COL24A1: variants seen among roughly 807,000 people sequenced by gnomAD.
COL24A1 encodes collagen type XXIV alpha 1 chain, also known as collagen alpha-1(XXIV) chain.
COL24A1 carries 224 observed loss-of-function variants against 253.9 expected under a neutral mutation model. The ratio of observed to expected loss-of-function variants is 0.88; its 90% CI spans 0.79 to 0.99. The LOEUF (loss-of-function observed/expected upper bound fraction) is 0.99, where lower values mean the gene tolerates loss of function less well. Among genes scored for constraint, COL24A1 ranks in the 50% least tolerant of loss-of-function variants. The pLI, the probability that COL24A1 is intolerant of heterozygous loss-of-function variation, is 0.00. For missense variants in COL24A1, 2,131 were observed against 2,068.5 expected, an observed-to-expected ratio of 1.03 and a Z score of -0.59; for synonymous variants, 685 against 673.7, an observed-to-expected ratio of 1.02 and a Z score of -0.26.
intron 18 of COL24A1, among the ~76,000 whole-genome samples, chr1:86,019,337 C>G (rs2101282079): frequency 6.6e-6 from 1 of 152,108 alleles, no homozygotes; most frequent in South Asian, 2.1e-4. Flanking sequence ...AAGAGGATTG[C>G]TTGAGGCCAG....
At chr1:85,898,802 A>T (rs1684011332) in intron 28 of COL24A1, among the ~76,000 whole-genome samples, 1 of 152,234 alleles carries the variant, frequency 6.6e-6, no homozygotes, top group Non-Finnish European at 1.5e-5. Context: ...AGTATAATGA[A>T]GAAAAACAAA....
At chr1:85,886,879 T>C (rs1571084095) in intron 32 of COL24A1, among the ~76,000 whole-genome samples, 1 of 152,210 alleles carries the variant, frequency 6.6e-6, no homozygotes, top group Non-Finnish European at 1.5e-5. Flanking sequence ...GTAAGTGAAA[T>C]TCATCTGCCA....
chr1:85,805,893 G>A (rs1328650814), intron 47 of COL24A1, among the ~76,000 whole-genome samples: 1 of 152,000 alleles, frequency 6.6e-6, no homozygotes, highest in Admixed American at 6.6e-5. Flanking sequence ...GGCGAACATA[G>A]TGAAACCCCG....
chr1:86,029,030 G>A (rs557827640), intron 14 of COL24A1, among the ~76,000 whole-genome samples: 130 of 152,116 alleles, frequency 8.5e-4, no homozygotes, highest in African/African-American at 2.9e-3. Flanking sequence ...TCAACTCCAT[G>A]CTAATAGATT....
At chr1:85,950,879 G>C (rs1689834440) in intron 24 of COL24A1, among the ~76,000 whole-genome samples, 1 of 152,192 alleles carries the variant, frequency 6.6e-6, no homozygotes, top group African/African-American at 2.4e-5. Flanking sequence ...GGACATTACA[G>C]GCAACTAGTA....
Position 86,141,756 on chromosome 1 carries a change from A to G in COL24A1, c.121+4363T>C, listed in dbSNP as rs139826777. ...CACTCTGTCAGCCAGGCTGGAGTGC[A>G]CTGGCACGATCTCAGCGCCCTGCAA... On this transcript the variant is annotated intron_variant, in intron 2 of 59. Transcript: ENST00000370571. Among the ~76,000 whole-genome samples, 126 of 150,338 alleles carry G rather than the reference A, an allele frequency of 8.4e-4. 5 individuals carry two copies. The highest frequency in any genetic ancestry group is 7.0e-3 in the Middle Eastern group (2 of 286).
intron 5 of COL24A1, among the ~76,000 whole-genome samples, chr1:86,103,046 A>G (rs1704610696): frequency 6.6e-6 from 1 of 152,220 alleles, no homozygotes; most frequent in South Asian, 2.1e-4. Flanking sequence ...AACTTGCTTT[A>G]TGAATCTGGT....
chr1:85,880,145 C>T (rs1681657675), intron 32 of COL24A1, among the ~76,000 whole-genome samples: 1 of 152,124 alleles, frequency 6.6e-6, no homozygotes, highest in African/African-American at 2.4e-5. Context: ...AGTCTTTCTA[C>T]CCATAACCAT....
At chr1:86,050,220 T>G (rs768972003) in intron 10 of COL24A1, 43 bp from the exon 11 acceptor site, 1 of 1,540,734 alleles carries the variant, frequency 6.5e-7, no homozygotes, top group Non-Finnish European at 9.0e-7. Context: ...CATTTGAATA[T>G]TCTCCCCATA....
At position 86,059,164 on chromosome 1, in the gene COL24A1, C is replaced by G; in HGVS notation, c.1763G>C (p.Gly588Ala). ...GGGTGAACCAATATTACCAGCAAAT[C>G]CTGGAATTCCCTGAAATAATAAATA... ...PGLPGEQGIP[G>A]FAGNIGSPGY... The change falls in exon 9 of 60, where the codon GGA becomes GCA. Residue 588 changes from glycine (G) to alanine (A), a missense_variant. By Grantham distance (60) the Gly-to-Ala change is moderately conservative. Coordinates refer to ENST00000370571, the MANE Select transcript of COL24A1 (RefSeq NM_152890.7). 1 of 1,610,118 alleles carries G rather than the reference C, an allele frequency of 6.2e-7. No homozygotes were observed. The highest frequency in any genetic ancestry group is 8.5e-7 in the Non-Finnish European group (1 of 1,177,728).
At chr1:85,782,666 A>C (rs1004005997) in intron 51 of COL24A1, among the ~76,000 whole-genome samples, 14 of 152,196 alleles carry the variant, frequency 9.2e-5, no homozygotes, top group Admixed American at 3.9e-4. Flanking sequence ...GGATTTTAGA[A>C]GTTTGACTTT....
In COL24A1 at chr1:85,908,663, G is replaced by A; in HGVS notation, c.2671-12C>T. On this transcript the variant is annotated splice_polypyrimidine_tract_variant and intron_variant, in intron 26 of 59. Transcript: ENST00000370571. ...GGACCTGGATATCCCTATAATTTAA[G>A]GAAAATATAAAAGAAGTAAAATATT... 2 of 1,312,406 alleles carry A rather than the reference G, an allele frequency of 1.5e-6. No homozygotes were observed. Among genetic ancestry groups the A allele is most frequent in the South Asian group, 1.8e-5 (1 of 55,528 alleles). 81.3% of individuals were successfully genotyped at this position (1,312,406 alleles called of 1,614,324 possible). A position where few individuals can be genotyped will look rare whatever the true frequency, so the allele number is the denominator to read the frequency against.
intron 24 of COL24A1, among the ~76,000 whole-genome samples, chr1:85,914,392 T>C (rs35239250): frequency 6.9e-6 from 1 of 144,154 alleles, no homozygotes; most frequent in Non-Finnish European, 1.5e-5. Flanking sequence ...TTTTCTTTTC[T>C]TTTTTTTTTT....
At chr1:85,838,560 A>G (rs762700924) in intron 43 of COL24A1, 25 bp downstream of exon 43, 3 of 1,602,150 alleles carry the variant, frequency 1.9e-6, no homozygotes, top group East Asian at 2.2e-5. Flanking sequence ...TAAATTCATT[A>G]GTAAGGGGTA....
chr1:85,803,674 T>C (rs1427081189), intron 47 of COL24A1, among the ~76,000 whole-genome samples: 2 of 152,162 alleles, frequency 1.3e-5, no homozygotes, highest in African/African-American at 4.8e-5. Context: ...CATTTCTGAT[T>C]GTTAATTGCT....
intron 51 of COL24A1, among the ~76,000 whole-genome samples, chr1:85,781,769 T>G (rs1360548952): frequency 6.6e-6 from 1 of 152,132 alleles, no homozygotes; most frequent in African/African-American, 2.4e-5. Flanking sequence ...AAAACAGGAA[T>G]AAGAACATCT....
chr1:86,100,283 T>C (rs890060729), intron 5 of COL24A1, among the ~76,000 whole-genome samples: 2 of 152,158 alleles, frequency 1.3e-5, no homozygotes, highest in African/African-American at 2.4e-5. Context: ...AATGCCAAAG[T>C]AGTGATTTTT....
At chr1:86,075,956 T>C (rs1353870167) in intron 7 of COL24A1, among the ~76,000 whole-genome samples, 1 of 152,322 alleles carries the variant, frequency 6.6e-6, no homozygotes, top group Non-Finnish European at 1.5e-5. Context: ...GAGTAAAAGC[T>C]GGAAGTATTC....
At chr1:86,146,491 A>G (rs1254062573) in intron 1 of COL24A1, among the ~76,000 whole-genome samples, 1 of 151,912 alleles carries the variant, frequency 6.6e-6, no homozygotes, top group Non-Finnish European at 1.5e-5. Flanking sequence ...AGTACCTGGC[A>G]CATAGGAAAC....
Sources: allele counts gnomAD v4.1 joint callset (sites outside exome capture counted in the v4.1 genomes callset), GRCh38; gene constraint gnomAD v4.1.1; transcripts MANE v1.5; gene names NCBI Gene and HGNC (gene_info 2026-07-23, HGNC 2026-07-21).